Variants in CUBN observed in about 807,000 individuals in gnomAD.
CUBN encodes 460 kDa receptor.
CUBN carries 282 observed loss-of-function variants against 405.3 expected under a neutral mutation model. The ratio of observed to expected loss-of-function variants is 0.70; its 90% CI spans 0.63 to 0.77. The LOEUF (loss-of-function observed/expected upper bound fraction) is 0.77, where lower values mean the gene tolerates loss of function less well. CUBN is among the 30% of genes least tolerant of loss of function. The pLI is 0.00. For synonymous variants in CUBN, 1,684 were observed against 1,617.0 expected, an observed-to-expected ratio of 1.04 and a Z score of -0.99; for missense variants, 4,514 against 4,475.2, an observed-to-expected ratio of 1.01 and a Z score of -0.25.
chr10:17,073,606 C>A lies in CUBN; in HGVS notation c.2302-1635G>T, dbSNP rs553202034. Among the ~76,000 whole-genome samples the A allele has an allele frequency of 4.6e-5, 7 of 152,170 alleles. No homozygotes were observed. In the South Asian group the frequency reaches 1.2e-3, roughly 27 times the overall value. On this transcript the variant is annotated intron_variant, in intron 17 of 66. Transcript: ENST00000377833. ...GGATTACAGGCATGTGCCACCACGCCCAGCTAGTTTTGTATTTTTAGTAGA... is the reference window on the plus strand; with the variant it reads ...GGATTACAGGCATGTGCCACCACGCACAGCTAGTTTTGTATTTTTAGTAGA...
intron 27 of CUBN, among the ~76,000 whole-genome samples, chr10:17,024,551 G>T (rs1368863070): frequency 1.3e-5 from 2 of 152,044 alleles, no homozygotes; most frequent in Non-Finnish European, 2.9e-5. Flanking sequence ...TGTTGCACAG[G>T]CTGGAGTGCA....
chr10:17,115,362 C>T, intron 7 of CUBN, 109 bp downstream of exon 7: 1 of 1,419,220 alleles, frequency 7.0e-7, no homozygotes. Flanking sequence ...CAGGAAGTGA[C>T]TTCACCTCTG....
chr10:16,939,995 T>C (rs759896652), intron 37 of CUBN, 37 bp downstream of exon 37: 6 of 1,477,004 alleles, frequency 4.1e-6, no homozygotes, highest in Non-Finnish European at 1.9e-6. Flanking sequence ...TTGTAAGACA[T>C]ATTCTGGAAG....
intron 56 of CUBN, among the ~76,000 whole-genome samples, chr10:16,885,417 G>T (rs372868757): frequency 1.8e-3 from 278 of 152,238 alleles, no homozygotes; most frequent in African/African-American, 6.4e-3. Context: ...CTGACTTTCA[G>T]AACTACTATT....
At chr10:16,976,969 C>T (rs1281279250) in intron 31 of CUBN, among the ~76,000 whole-genome samples, 1 of 152,144 alleles carries the variant, frequency 6.6e-6, no homozygotes, top group African/African-American at 2.4e-5. Context: ...GCTGAAAGTT[C>T]TCAGTTTGAC....
intron 54 of CUBN, among the ~76,000 whole-genome samples, chr10:16,896,565 A>C (rs1256890837): frequency 6.6e-6 from 1 of 152,198 alleles, no homozygotes; most frequent in Non-Finnish European, 1.5e-5. Context: ...GTAATGTCCC[A>C]ATTCTCTCTG....
chr10:17,120,236 C>T (rs988924808), intron 6 of CUBN, among the ~76,000 whole-genome samples: 1 of 152,228 alleles, frequency 6.6e-6, no homozygotes, highest in Admixed American at 6.5e-5. Flanking sequence ...TTTCATTACA[C>T]GTGGATTCCA....
In CUBN at chr10:16,907,586, T is replaced by A. The variant is rs772656521; in HGVS notation, c.7627A>T (p.Met2543Leu). 6.2e-7 allele frequency: 1 copy of A among 1,613,916 alleles called. No homozygotes were observed. The highest frequency in any genetic ancestry group is 1.7e-5 in the Admixed American group (1 of 60,032). ...CCATCCGTGAAAAAAATGACTTTCA[T>A]TGTGTTTCCTGAAGATTTAATCTCA... Reference protein sequence around the residue: ...SNEIKSSGNTMKVIFFTDGSR... With the variant: ...SNEIKSSGNTLKVIFFTDGSR... The change falls in exon 49 of 67, where the codon ATG becomes TTG. Residue 2543 changes from methionine (M) to leucine (L), a missense_variant. This residue lies in a region of CUBN where 1,613 missense variants were observed against 1,542.8 expected (regional missense o/e 1.05). Coordinates refer to ENST00000377833, the MANE Select transcript of CUBN (RefSeq NM_001081.4).
chr10:16,857,478 T>G (rs1295419567), intron 59 of CUBN, among the ~76,000 whole-genome samples: 7 of 152,234 alleles, frequency 4.6e-5, no homozygotes, highest in African/African-American at 1.4e-4. Context: ...TAGATATCAC[T>G]GAAAATGCTC....
At chr10:16,923,615 T>C (rs1359033341) in intron 43 of CUBN, among the ~76,000 whole-genome samples, 4 of 152,188 alleles carry the variant, frequency 2.6e-5, no homozygotes, top group South Asian at 4.1e-4. Context: ...GCAGTCATAA[T>C]AAGCTTCAAG....
intron 58 of CUBN, among the ~76,000 whole-genome samples, chr10:16,870,996 A>C (rs1012492371): frequency 5.9e-5 from 9 of 151,592 alleles, no homozygotes; most frequent in Non-Finnish European, 1.5e-5. Context: ...ATAATATTTG[A>C]TATCCTGTCC....
intron 63 of CUBN, among the ~76,000 whole-genome samples, 160 bp from the exon 64 acceptor site, chr10:16,835,355 G>C (rs1839137818): frequency 6.6e-6 from 1 of 152,228 alleles, no homozygotes; most frequent in African/African-American, 2.4e-5. Context: ...ACCCTGAGCA[G>C]TGAAGTGAAT....
At chr10:17,096,875 A>G (rs1047355194) in intron 14 of CUBN, among the ~76,000 whole-genome samples, 40 of 152,146 alleles carry the variant, frequency 2.6e-4, no homozygotes, top group African/African-American at 9.6e-4. Flanking sequence ...AATAAAAATG[A>G]CAAAATACTT....
chr10:17,093,769 C>A (rs370793089), intron 14 of CUBN, among the ~76,000 whole-genome samples: 1 of 151,542 alleles, frequency 6.6e-6, no homozygotes, highest in South Asian at 2.1e-4. Context: ...AACAATGACT[C>A]CAAAATAATT....
Position 17,088,306 on chromosome 10 carries a change from T to C in CUBN, c.1805A>G (p.Lys602Arg). Reference protein sequence around the residue: ...GILTGPYGSIKSPGYPGNYPP... With the variant: ...GILTGPYGSIRSPGYPGNYPP... Reference sequence around the variant, plus strand: ...ATAGTTTCCAGGATACCCCGGAGACTTAATAGAACCGTAAGGACCAGTCAG... The same window carrying C: ...ATAGTTTCCAGGATACCCCGGAGACCTAATAGAACCGTAAGGACCAGTCAG... Residue 602 changes from lysine to arginine, a missense_variant, in exon 15 of 67, where the codon AAG becomes AGG. Physicochemically the swap from Lys to Arg is conservative, Grantham distance 26. Around this residue, in one of 5 missense-constraint regions of CUBN, gnomAD observed 1,448 missense variants for 1,388.0 expected, o/e 1.04. Transcript: ENST00000377833. 1 of 1,613,612 alleles carries C rather than the reference T, an allele frequency of 6.2e-7. No individual in the cohort carries two copies. Among genetic ancestry groups the C allele is most frequent in the South Asian group, 1.1e-5 (1 of 91,068 alleles).
chr10:17,045,104 T>G lies in CUBN; in HGVS notation c.3575A>C (p.Tyr1192Ser), dbSNP rs761277507. Reference sequence around the variant, plus strand: ...GCCGTGGCTAGATTTCAACCACCAGTAGCATTCAGAGCTGTGGTAATAGGG... The same window carrying G: ...GCCGTGGCTAGATTTCAACCACCAGGAGCATTCAGAGCTGTGGTAATAGGG... ...PMPYYHSSEC[Y>S]WWLKSSHGSA... The change falls in exon 25 of 67, where the codon TAC (tyrosine) becomes TCC (serine). Residue 1192 changes from tyrosine to serine, a missense_variant. By Grantham distance (144) the Tyr-to-Ser change is moderately radical. Coordinates refer to ENST00000377833, the MANE Select transcript of CUBN (RefSeq NM_001081.4). 4.3e-6 allele frequency: 7 copies of G among 1,614,002 alleles called. No individual in the cohort carries two copies. Among genetic ancestry groups the G allele is most frequent in the Non-Finnish European group, 5.1e-6 (6 of 1,179,976 alleles).
At chr10:16,926,952 A>G (rs182412228) in intron 41 of CUBN, among the ~76,000 whole-genome samples, 6 of 152,018 alleles carry the variant, frequency 3.9e-5, no homozygotes, top group Middle Eastern at 6.8e-3. Context: ...TACACCTAAT[A>G]TGTAGTTTTT....
At chr10:17,003,175 C>T (rs1396164377) in intron 28 of CUBN, among the ~76,000 whole-genome samples, 1 of 152,118 alleles carries the variant, frequency 6.6e-6, no homozygotes, top group Non-Finnish European at 1.5e-5. Flanking sequence ...CTACCAAAAC[C>T]AAGCAGGATT....
intron 27 of CUBN, among the ~76,000 whole-genome samples, chr10:17,039,188 A>G (rs1374226138): frequency 6.6e-6 from 1 of 152,184 alleles, no homozygotes; most frequent in Non-Finnish European, 1.5e-5. Flanking sequence ...TGCCCAGCAC[A>G]CTGTTATACG....
Sources: gnomAD v4.1 joint callset for allele counts (sites outside exome capture counted in the v4.1 genomes callset) on GRCh38, gnomAD v4.1.1 for gene constraint, gnomAD v4.1.1 regional missense constraint, MANE v1.5 for transcripts, NCBI Gene and HGNC (gene_info 2026-07-23, HGNC 2026-07-21) for gene names.